NEBL: variants seen among roughly 807,000 people sequenced by gnomAD.
NEBL encodes the protein LIM and SH3 protein 2.
NEBL carries 122 observed loss-of-function variants against 140.2 expected under a neutral mutation model. That is an observed-to-expected ratio of 0.87 (90% CI 0.75 to 1.01). NEBL has a LOEUF of 1.01. Among genes scored for constraint, NEBL ranks in the 50% least tolerant of loss-of-function variants. The pLI, the probability that NEBL is intolerant of heterozygous loss-of-function variation, is 0.00. For synonymous variants in NEBL, 436 were observed against 398.9 expected (o/e 1.09, Z -1.11); for missense variants, 1,365 against 1,231.3 (o/e 1.11, Z -1.62).
At chr10:21,163,068 A>G (rs2132158669) in intron 2 of NEBL, among the ~76,000 whole-genome samples, 1 of 152,348 alleles carries the variant, frequency 6.6e-6, no homozygotes, top group Non-Finnish European at 1.5e-5. Context: ...ACAGATGAGG[A>G]TACTGAGGCT....
intron 3 of NEBL, among the ~76,000 whole-genome samples, chr10:21,184,780 C>G (rs536520716): frequency 1.3e-5 from 2 of 151,970 alleles, no homozygotes; most frequent in East Asian, 3.8e-4. Context: ...CTTTGTTAAG[C>G]GAAAAAGGTT....
At chr10:20,814,086 C>T (rs374448077) in intron 22 of NEBL, 43 bp from the exon 23 acceptor site, 2 of 1,171,260 alleles carry the variant, frequency 1.7e-6, no homozygotes, top group Non-Finnish European at 1.3e-6. Context: ...TAAGAAAACA[C>T]ATGATGTAAC....
rs376097780 is a variant in NEBL at position 20,813,920 on chromosome 10, T to C, written c.2346+19A>G. 8.2e-6 allele frequency: 12 copies of C among 1,462,980 alleles called. No homozygotes were observed. The African/African-American group carries it at 8.4e-5, about 10-fold the overall frequency. 90.6% of individuals were successfully genotyped at this position (1,462,980 alleles called of 1,614,324 possible). Reference sequence around the variant, plus strand: ...CCCATTCCTTAGCATGTTTTAAGAATGATCTGGTTGGACCCTACCATTGAA... The same window carrying C: ...CCCATTCCTTAGCATGTTTTAAGAACGATCTGGTTGGACCCTACCATTGAA... On this transcript the variant is annotated intron_variant, in intron 23 of 27. Transcript: ENST00000377122.
intron 3 of NEBL, among the ~76,000 whole-genome samples, chr10:21,208,612 A>T (rs1295763977): frequency 1.3e-5 from 2 of 152,194 alleles, no homozygotes; most frequent in African/African-American, 2.4e-5. Context: ...GCATGAAATG[A>T]GAGGGATCTA....
intron 2 of NEBL, among the ~76,000 whole-genome samples, chr10:21,050,816 A>G (rs986777509): frequency 3.3e-5 from 5 of 152,118 alleles, no homozygotes; most frequent in African/African-American, 1.2e-4. Flanking sequence ...AGAATGCAGA[A>G]AAAGTCATGA....
At chr10:21,037,122 G>T (rs941081178) in intron 2 of NEBL, among the ~76,000 whole-genome samples, 1 of 152,010 alleles carries the variant, frequency 6.6e-6, no homozygotes, top group African/African-American at 2.4e-5. Flanking sequence ...CTTCCCCATT[G>T]CAACTGAAAC....
chr10:21,239,623 C>A (rs1025146043), intron 3 of NEBL, among the ~76,000 whole-genome samples: 1 of 152,140 alleles, frequency 6.6e-6, no homozygotes, highest in Non-Finnish European at 1.5e-5. Flanking sequence ...CTCCCAAGTG[C>A]CAGAACATTC....
intron 2 of NEBL, among the ~76,000 whole-genome samples, chr10:20,890,264 G>A (rs1328379209): frequency 6.6e-6 from 1 of 152,094 alleles, no homozygotes; most frequent in African/African-American, 2.4e-5. Context: ...GTGCCATCTC[G>A]CTCCTACAAG....
intron 17 of NEBL, among the ~76,000 whole-genome samples, chr10:20,828,101 A>T (rs1840063281): frequency 6.6e-6 from 1 of 152,176 alleles, no homozygotes; most frequent in African/African-American, 2.4e-5. Flanking sequence ...GTGCTGATGC[A>T]ATTCCTCTTC....
intron 5 of NEBL, among the ~76,000 whole-genome samples, chr10:20,877,246 T>G (rs548640487): frequency 6.6e-6 from 1 of 152,142 alleles, no homozygotes; most frequent in African/African-American, 2.4e-5. Flanking sequence ...TCTTCAGAGG[T>G]AGATATCGTT....
intron 2 of NEBL, among the ~76,000 whole-genome samples, chr10:21,044,006 A>G (rs1467278152): frequency 6.6e-6 from 1 of 152,176 alleles, no homozygotes; most frequent in Admixed American, 6.5e-5. Flanking sequence ...AAAACAGGGT[A>G]GGATATTTCT....
chr10:21,057,852 T>G (rs751843543), intron 2 of NEBL, among the ~76,000 whole-genome samples: 6 of 152,184 alleles, frequency 3.9e-5, no homozygotes, highest in Non-Finnish European at 8.8e-5. Context: ...CCCTGATCTG[T>G]TAATTTATTC....
rs145121729 is a variant in NEBL at position 20,852,690 on chromosome 10, A to C, written c.904-41T>G. The C allele has an allele frequency of 2.3e-4, 336 of 1,441,942 alleles. No homozygotes were observed. The African/African-American group carries it at 4.3e-3, about 18-fold the overall frequency. 89.3% of individuals were successfully genotyped at this position (1,441,942 alleles called of 1,614,324 possible). ...GGGAAATCAACTTAGAATCAAAGAG[A>C]CTGATTAGAGCAATAAATACTTAGA... On this transcript the variant is annotated intron_variant, in intron 9 of 27. Coordinates refer to ENST00000377122, the MANE Select transcript of NEBL (RefSeq NM_006393.3).
intron 2 of NEBL, among the ~76,000 whole-genome samples, chr10:21,163,411 C>T (rs1840634993): frequency 6.6e-6 from 1 of 152,178 alleles, no homozygotes; most frequent in Non-Finnish European, 1.5e-5. Context: ...TTATAGGGCA[C>T]GTCTTTCTGC....
chr10:20,926,387 T>C (rs1833913376), intron 4 of NEBL, among the ~76,000 whole-genome samples: 2 of 120,706 alleles, frequency 1.7e-5, no homozygotes, highest in African/African-American at 6.2e-5. Context: ...ACTTGTGATT[T>C]GATTATGTGA....
chr10:21,170,379 G>T (rs1233334750), intron 2 of NEBL: 1 of 152,186 alleles, frequency 6.6e-6, no homozygotes, highest in Admixed American at 6.5e-5. Context: ...AAGCCTGATG[G>T]AAACAGGCTG....
chr10:21,015,243 G>A (rs1008432852), intron 3 of NEBL, among the ~76,000 whole-genome samples: 9 of 152,052 alleles, frequency 5.9e-5, no homozygotes, highest in Non-Finnish European at 1.3e-4. Context: ...AGTCGGGGGG[G>A]TTTGGAGATG....
At chr10:21,037,656 A>G (rs904795117) in intron 2 of NEBL, among the ~76,000 whole-genome samples, 25 of 152,202 alleles carry the variant, frequency 1.6e-4, no homozygotes, top group African/African-American at 5.8e-4. Flanking sequence ...CAAAACTCAT[A>G]GAATCATATT....
chr10:21,259,786 GC>G (rs11345570), intron 1 of NEBL, among the ~76,000 whole-genome samples: 10,904 of 152,180 alleles, frequency 0.072, 773 homozygotes, highest in African/African-American at 0.19. Context: ...AAACCAGTCA[GC>G]CCCCTGCCTT....
Sources: allele counts gnomAD v4.1 joint callset (sites outside exome capture counted in the v4.1 genomes callset), GRCh38; gene constraint gnomAD v4.1.1; transcripts MANE v1.5; gene names NCBI Gene and HGNC (gene_info 2026-07-23, HGNC 2026-07-21).